AGK: variants seen among roughly 807,000 people sequenced by gnomAD.
The protein encoded by AGK is acylglycerol kinase, mitochondrial.
A neutral mutation model predicts 66.4 loss-of-function variants in AGK; 52 were observed. That is an observed-to-expected ratio of 0.78 (90% CI 0.63 to 0.99). The LOEUF is 0.99. Ranked by LOEUF, AGK falls within the 50% of genes least tolerant of loss-of-function variation. AGK has a pLI of 0.00. For synonymous variants in AGK, 182 were observed against 181.1 expected (o/e 1.00, Z -0.04); for missense variants, 451 against 506.6 (o/e 0.89, Z 1.05).
intron 9 of AGK, among the ~76,000 whole-genome samples, chr7:141,627,978 T>G (rs567712799): frequency 1.3e-5 from 2 of 152,288 alleles, no homozygotes; most frequent in African/African-American, 4.8e-5. Flanking sequence ...ACCTCCCAGG[T>G]TCAAGCCATT....
At chr7:141,579,553 T>C (rs1167633836) in intron 2 of AGK, among the ~76,000 whole-genome samples, 3 of 151,860 alleles carry the variant, frequency 2.0e-5, no homozygotes, top group African/African-American at 7.3e-5. Flanking sequence ...ACTCGAGGCA[T>C]GTGAGTAAGG....
rs1562988824 is a variant in AGK at position 141,652,955 on chromosome 7, C to T, written c.*31C>T. On this transcript the variant is annotated 3_prime_UTR_variant, in exon 16 of 16. Coordinates refer to ENST00000649286, the MANE Select transcript of AGK (RefSeq NM_018238.4). ...AGAAGACAAGCACTCTGAGACCACA[C>T]TTTAGGCCACCGGTGGGACCAAAAG... 1 of 1,612,312 alleles carries T rather than the reference C, an allele frequency of 6.2e-7. No homozygotes were observed. Among genetic ancestry groups the T allele is most frequent in the Non-Finnish European group, 8.5e-7 (1 of 1,179,360 alleles).
At chr7:141,631,161 A>G (rs1303869855) in intron 9 of AGK, among the ~76,000 whole-genome samples, 1 of 152,150 alleles carries the variant, frequency 6.6e-6, no homozygotes, top group Non-Finnish European at 1.5e-5. Context: ...TTTAAATTTT[A>G]TGTATTTATT....
intron 11 of AGK, 130 bp from the exon 12 acceptor site, chr7:141,641,118 C>A (rs973881367): frequency 2.6e-5 from 19 of 728,268 alleles, no homozygotes; most frequent in African/African-American, 7.2e-5. Context: ...AGCATTCCAT[C>A]CAGTGAGAGG....
At chr7:141,562,164 C>T in intron 2 of AGK, 2 of 454,636 alleles carry the variant, frequency 4.4e-6, no homozygotes, top group Non-Finnish European at 8.8e-6. Flanking sequence ...GAAGTTGTCA[C>T]ATGGATAGAC....
intron 9 of AGK, among the ~76,000 whole-genome samples, chr7:141,623,840 A>G (rs1390131004): frequency 6.6e-6 from 1 of 152,182 alleles, no homozygotes; most frequent in African/African-American, 2.4e-5. Flanking sequence ...CCTGGCTTCA[A>G]AGTTTGGGAC....
At chr7:141,594,245 A>C (rs538569458) in intron 3 of AGK, 2 of 152,364 alleles carry the variant, frequency 1.3e-5, no homozygotes, top group African/African-American at 4.8e-5. Flanking sequence ...ATCTTCCTGG[A>C]GTACAGTGGT....
intron 13 of AGK, among the ~76,000 whole-genome samples, chr7:141,647,873 G>A (rs541949393): frequency 1.7e-3 from 258 of 152,272 alleles, no homozygotes; most frequent in African/African-American, 5.6e-3. Context: ...GTTTCACCAC[G>A]TTGGCCGGGC....
chr7:141,568,561 C>T (rs1410803662), intron 2 of AGK, among the ~76,000 whole-genome samples: 1 of 151,528 alleles, frequency 6.6e-6, no homozygotes, highest in East Asian at 1.9e-4. Flanking sequence ...AGGGCCATCC[C>T]ATTTCTTTCT....
intron 2 of AGK, among the ~76,000 whole-genome samples, chr7:141,562,558 C>T (rs983189268): frequency 5.3e-5 from 8 of 152,254 alleles, no homozygotes; most frequent in African/African-American, 1.7e-4. Context: ...AGGTGGTTCT[C>T]AGGCCAGTGG....
intron 2 of AGK, among the ~76,000 whole-genome samples, chr7:141,558,919 A>G (rs1258893419): frequency 6.6e-6 from 1 of 152,188 alleles, no homozygotes; most frequent in Non-Finnish European, 1.5e-5. Flanking sequence ...GGCCATTTAA[A>G]AATCTTTGGA....
At chr7:141,585,356 T>G (rs1795975035) in intron 2 of AGK, among the ~76,000 whole-genome samples, 1 of 152,208 alleles carries the variant, frequency 6.6e-6, no homozygotes, top group South Asian at 2.1e-4. Context: ...CACACACTTT[T>G]AAGATTCATT....
intron 12 of AGK, 130 bp downstream of exon 12, chr7:141,641,528 C>T (rs754840053): frequency 9.2e-7 from 1 of 1,089,382 alleles, no homozygotes. Flanking sequence ...CTGAATTCAT[C>T]CTTCTGTGTG....
At chr7:141,554,917 A>G (rs1440970646) in intron 1 of AGK, among the ~76,000 whole-genome samples, 1 of 152,210 alleles carries the variant, frequency 6.6e-6, no homozygotes, top group Non-Finnish European at 1.5e-5. Flanking sequence ...TTAGATAGCC[A>G]TGTACATTGC....
intron 9 of AGK, among the ~76,000 whole-genome samples, chr7:141,631,144 AG>A (rs1300771071): frequency 1.3e-5 from 2 of 152,202 alleles, no homozygotes; most frequent in Admixed American, 1.3e-4. Context: ...GATTAAATAT[AG>A]TAATTTTTAA....
intron 2 of AGK, among the ~76,000 whole-genome samples, chr7:141,579,456 G>A (rs77948840): frequency 0.03 from 4,579 of 151,858 alleles, 132 homozygotes; most frequent in South Asian, 0.14. Context: ...AGAAATGATC[G>A]CGGTGGCCTT....
chr7:141,568,115 C>T (rs1258960333), intron 2 of AGK, among the ~76,000 whole-genome samples: 1 of 152,158 alleles, frequency 6.6e-6, no homozygotes, highest in African/African-American at 2.4e-5. Context: ...TTGTGAGTGA[C>T]TTGAGAGACT....
chr7:141,649,358 A>G (rs1312919881), intron 14 of AGK, 25 bp downstream of exon 14: 1 of 1,554,442 alleles, frequency 6.4e-7, no homozygotes, highest in Non-Finnish European at 8.9e-7. Context: ...GTTCACAGGA[A>G]ATGAGGCTTG....
intron 9 of AGK, among the ~76,000 whole-genome samples, chr7:141,626,477 G>C (rs2116984207): frequency 6.6e-6 from 1 of 152,244 alleles, no homozygotes; most frequent in Middle Eastern, 3.4e-3. Context: ...TAATTTAAAA[G>C]GGAAAAATAT....
Sources: gnomAD v4.1 joint callset for allele counts (sites outside exome capture counted in the v4.1 genomes callset) on GRCh38, gnomAD v4.1.1 for gene constraint, MANE v1.5 for transcripts, NCBI Gene and HGNC (gene_info 2026-07-23, HGNC 2026-07-21) for gene names.